Variants in GRIP1 observed in about 807,000 individuals in gnomAD.
The protein encoded by GRIP1 is glutamate receptor-interacting protein 1.
Under a neutral mutation model 129.9 loss-of-function variants are expected in GRIP1, and 45 were observed. That is an observed-to-expected ratio of 0.35 (90% CI 0.27 to 0.44). GRIP1 has a LOEUF of 0.44. GRIP1 is among the 20% of genes least tolerant of loss of function. The pLI is 1.00. For missense variants in GRIP1, 1,196 were observed against 1,396.8 expected, an observed-to-expected ratio of 0.86 and a Z score of 2.29; for synonymous variants, 530 against 520.8, an observed-to-expected ratio of 1.02 and a Z score of -0.24.
chr12:66,947,641 A>G (rs2041693253), intron 1 of GRIP1, among the ~76,000 whole-genome samples: 1 of 152,264 alleles, frequency 6.6e-6, no homozygotes, highest in Admixed American at 6.5e-5. Flanking sequence ...CATAGAAAAG[A>G]TTAATGCTCT....
At chr12:66,717,535 A>G (rs1026030893) in intron 1 of GRIP1, among the ~76,000 whole-genome samples, 14 of 152,168 alleles carry the variant, frequency 9.2e-5, no homozygotes, top group African/African-American at 3.4e-4. Context: ...GTTAAAAATG[A>G]TAACTAATCT....
intron 19 of GRIP1, among the ~76,000 whole-genome samples, chr12:66,380,373 T>A (rs2056049074): frequency 6.6e-6 from 1 of 152,190 alleles, no homozygotes; most frequent in Non-Finnish European, 1.5e-5. Flanking sequence ...CCCTCTCTCT[T>A]GTCCATCTCT....
At position 66,881,757 on chromosome 12, in the gene GRIP1, T is replaced by A. The variant is rs146196160; in HGVS notation, c.58+187293A>T. On this transcript the variant is annotated intron_variant, in intron 1 of 1. Coordinates refer to the GRIP1 transcript ENST00000643019. ...ACTAGGCAAGAAGAAAAATCTGAAA[T>A]CACAATATGTGGCTGTGGGCTGTTG... Among the ~76,000 whole-genome samples the A allele has an allele frequency of 4.1e-3, 631 of 152,202 alleles. 6 individuals are homozygous for A. Among genetic ancestry groups the A allele is most frequent in the African/African-American group, 0.014 (598 of 41,542 alleles).
At position 66,641,992 on chromosome 12, in the gene GRIP1, T is replaced by G. The variant is rs1307060312; in HGVS notation, c.55+36858A>C. Reference sequence around the variant, plus strand: ...TAGACTGCTTTATTCTTCAACAGAATTGACTGTGTGCCCTCAGTGCCAAGT... The same window carrying G: ...TAGACTGCTTTATTCTTCAACAGAAGTGACTGTGTGCCCTCAGTGCCAAGT... On this transcript the variant is annotated intron_variant, in intron 1 of 24. Transcript: ENST00000359742. Among the ~76,000 whole-genome samples the G allele has an allele frequency of 2.0e-5, 3 of 152,200 alleles. No individual in the cohort carries two copies. In the East Asian group the frequency reaches 5.8e-4, roughly 29 times the overall value.
intron 1 of GRIP1, among the ~76,000 whole-genome samples, chr12:66,964,093 G>T (rs1244454413): frequency 1.3e-5 from 2 of 152,068 alleles, no homozygotes; most frequent in South Asian, 4.2e-4. Context: ...CGGGACTATT[G>T]CAACAATCTC....
chr12:66,839,264 CCAAT>C (rs2039672401), intron 1 of GRIP1, among the ~76,000 whole-genome samples: 1 of 151,884 alleles, frequency 6.6e-6, no homozygotes, highest in African/African-American at 2.4e-5. Flanking sequence ...GCAAAATTGC[CCAAT>C]CAGTGATTCT....
At chr12:66,954,838 G>A (rs746085123) in intron 1 of GRIP1, among the ~76,000 whole-genome samples, 35 of 151,916 alleles carry the variant, frequency 2.3e-4, no homozygotes, top group Non-Finnish European at 4.6e-4. Context: ...AAGGAGATAC[G>A]TGCTATGGGG....
chr12:66,669,602 T>C (rs1003877003), intron 1 of GRIP1, among the ~76,000 whole-genome samples: 3 of 152,214 alleles, frequency 2.0e-5, no homozygotes, highest in Non-Finnish European at 4.4e-5. Flanking sequence ...AAGCCATCTA[T>C]ACAGGTTTAT....
At chr12:66,772,709 T>C (rs577154711) in intron 1 of GRIP1, among the ~76,000 whole-genome samples, 9 of 152,144 alleles carry the variant, frequency 5.9e-5, no homozygotes, top group Non-Finnish European at 1.2e-4. Context: ...ACTCTGGGGA[T>C]TGGAGATAGA....
In GRIP1 at chr12:66,452,105, AG is replaced by A. The variant is rs530420986; in HGVS notation, c.1354+3303del. Among the ~76,000 whole-genome samples the A allele has an allele frequency of 2.0e-5, 3 of 152,240 alleles. No individual in the cohort carries two copies. In the South Asian group the frequency reaches 6.2e-4, roughly 32 times the overall value. ...TTGCCGCAATTCAGGCAGACTGGGA[AG>A]AGACGGAGTCTCTACACTGGCCCAG... On this transcript the variant is annotated intron_variant, in intron 11 of 24. Transcript: ENST00000359742.
chr12:66,721,429 C>T (rs2036054253), intron 1 of GRIP1, among the ~76,000 whole-genome samples: 1 of 152,036 alleles, frequency 6.6e-6, no homozygotes, highest in Admixed American at 6.6e-5. Flanking sequence ...CACGTGCCAC[C>T]ACACCTGGCT....
intron 1 of GRIP1, among the ~76,000 whole-genome samples, chr12:67,032,677 A>T (rs982700636): frequency 1.3e-5 from 2 of 152,150 alleles, no homozygotes; most frequent in African/African-American, 2.4e-5. Context: ...CAGTTGCGAC[A>T]ACCAAAAATG....
rs151151180 is a variant in GRIP1 at position 66,978,116 on chromosome 12, C to T, written c.58+90934G>A. Reference sequence around the variant, plus strand: ...GGATTACAGATCTGAACCACGACACCTGGCCCTGGGCTCTACTTTTCATAA... The same window carrying T: ...GGATTACAGATCTGAACCACGACACTTGGCCCTGGGCTCTACTTTTCATAA... On this transcript the variant is annotated intron_variant, in intron 1 of 1. Transcript: ENST00000643019. Among the ~76,000 whole-genome samples, 339 of 152,092 alleles carry T rather than the reference C, an allele frequency of 2.2e-3. 2 individuals are homozygous for T. Among genetic ancestry groups the T allele is most frequent in the African/African-American group, 8.0e-3 (330 of 41,508 alleles).
intron 1 of GRIP1, among the ~76,000 whole-genome samples, chr12:66,974,363 T>A (rs2042121893): frequency 6.6e-6 from 1 of 152,212 alleles, no homozygotes; most frequent in Admixed American, 6.5e-5. Context: ...CAACATGCGA[T>A]AACAGACTTA....
At chr12:66,738,072 G>A (rs1316917498) in intron 1 of GRIP1, among the ~76,000 whole-genome samples, 1 of 152,132 alleles carries the variant, frequency 6.6e-6, no homozygotes, top group Non-Finnish European at 1.5e-5. Context: ...GGAAGGCCTG[G>A]GGGCAGAGAG....
chr12:66,696,553 G>A (rs2035165561), intron 1 of GRIP1, among the ~76,000 whole-genome samples: 1 of 151,950 alleles, frequency 6.6e-6, no homozygotes, highest in African/African-American at 2.4e-5. Context: ...TTGGGAGGCC[G>A]AGGCGGGCGG....
intron 2 of GRIP1, among the ~76,000 whole-genome samples, chr12:66,553,221 T>C (rs1167117884): frequency 2.6e-5 from 4 of 152,172 alleles, no homozygotes; most frequent in Non-Finnish European, 5.9e-5. Context: ...CCATCCTTTT[T>C]ATTAGTACCT....
At chr12:66,515,899 A>T in intron 6 of GRIP1, 135 bp from the exon 7 acceptor site, 1 of 736,104 alleles carries the variant, frequency 1.4e-6, no homozygotes, top group Non-Finnish European at 2.5e-6. Flanking sequence ...TAAGCATCAA[A>T]TGTGACAGTA....
intron 1 of GRIP1, among the ~76,000 whole-genome samples, chr12:66,867,143 C>A (rs961162600): frequency 6.6e-6 from 1 of 152,086 alleles, no homozygotes; most frequent in African/African-American, 2.4e-5. Context: ...CGCAAGCTAC[C>A]ACACCTGGCT....
Sources: gnomAD v4.1 joint callset for allele counts (sites outside exome capture counted in the v4.1 genomes callset) on GRCh38, gnomAD v4.1.1 for gene constraint, MANE v1.5 for transcripts, NCBI Gene and HGNC (gene_info 2026-07-23, HGNC 2026-07-21) for gene names.